The following KANK1 variants were observed in gnomAD, a reference collection of about 807,000 sequenced individuals.
KANK1 encodes the protein KN motif and ankyrin repeat domains 1, also known as KN motif and ankyrin repeat domain-containing protein 1.
Under a neutral mutation model 106.2 loss-of-function variants are expected in KANK1, and 109 were observed. That is an observed-to-expected ratio of 1.03 (90% CI 0.88 to 1.20). KANK1 has a LOEUF of 1.20. Ranked by LOEUF, KANK1 falls within the 50% of genes most tolerant of loss-of-function variation. KANK1 has a pLI of 0.00. For synonymous variants in KANK1, 873 were observed against 652.2 expected, an observed-to-expected ratio of 1.34 and a Z score of -5.16; for missense variants, 2,399 against 1,710.7, an observed-to-expected ratio of 1.40 and a Z score of -7.10.
intron 3 of KANK1, among the ~76,000 whole-genome samples, chr9:727,041 C>A (rs1047510500): frequency 6.6e-6 from 1 of 152,222 alleles, no homozygotes; most frequent in African/African-American, 2.4e-5. Context: ...TAATACACAT[C>A]ATGCTCATCT....
intron 3 of KANK1, among the ~76,000 whole-genome samples, chr9:723,485 C>G (rs1176423830): frequency 2.0e-5 from 3 of 148,306 alleles, no homozygotes; most frequent in Non-Finnish European, 2.9e-5. Context: ...GGGGCATGAT[C>G]ACAAGCACCT....
chr9:737,045 G>C (rs1833984201), intron 7 of KANK1, among the ~76,000 whole-genome samples: 3 of 152,212 alleles, frequency 2.0e-5, no homozygotes, highest in African/African-American at 2.4e-5. Flanking sequence ...CATTTGGTGT[G>C]AAAGTGTTTA....
chr9:685,446 A>G (rs948070791), intron 2 of KANK1: 3 of 152,214 alleles, frequency 2.0e-5, no homozygotes, highest in Non-Finnish European at 4.4e-5. Flanking sequence ...CTATAGACAT[A>G]AGGGAGAGCT....
Position 742,294 on chromosome 9 carries a change from C to G in KANK1, c.3786C>G (p.Ile1262Met). The change falls in exon 10 of 12, where the codon ATC (isoleucine) becomes ATG (methionine). Residue 1262 changes from isoleucine (I) to methionine (M), a missense_variant. By Grantham distance (10) the Ile-to-Met change is conservative. Transcript: ENST00000382297. ...GLLACGADVNIQDDEGSTALM... is the reference protein window; with the variant it reads ...GLLACGADVNMQDDEGSTALM... Reference sequence around the variant, plus strand: ...TGGCCTGTGGGGCTGATGTCAACATCCAGGATGACGAGGGCTCCACGGCCC... The same window carrying G: ...TGGCCTGTGGGGCTGATGTCAACATGCAGGATGACGAGGGCTCCACGGCCC... 2 of 1,614,162 alleles carry G rather than the reference C, an allele frequency of 1.2e-6. No homozygotes were observed. Among genetic ancestry groups the G allele is most frequent in the Non-Finnish European group, 1.7e-6 (2 of 1,180,010 alleles).
At chr9:503,016 T>A (rs1034109654), upstream of KANK1, among the ~76,000 whole-genome samples, 6 of 149,410 alleles carry the variant, frequency 4.0e-5, no homozygotes, top group East Asian at 9.9e-4. Context: ...TTTTTTTTTT[T>A]TTTTTTTTTT....
chr9:575,078 C>T (rs761921563), intron 1 of KANK1, among the ~76,000 whole-genome samples: 3 of 152,104 alleles, frequency 2.0e-5, no homozygotes, highest in South Asian at 2.1e-4. Flanking sequence ...GGGCTTCTCC[C>T]ATCTTGCTTG....
chr9:687,094 A>G (rs1366820535), intron 2 of KANK1, among the ~76,000 whole-genome samples: 5 of 151,980 alleles, frequency 3.3e-5, no homozygotes, highest in Non-Finnish European at 5.9e-5. Flanking sequence ...ACTGGAAGGA[A>G]TGTTATGAAA....
upstream of KANK1, among the ~76,000 whole-genome samples, chr9:501,989 T>A (rs377097300): frequency 1.8e-4 from 28 of 152,360 alleles, 1 homozygote; most frequent in South Asian, 5.8e-3. Context: ...CCAGTATAAT[T>A]CTATCATCAG....
At chr9:677,837 C>A (rs1004863194) in intron 2 of KANK1, among the ~76,000 whole-genome samples, 2 of 152,118 alleles carry the variant, frequency 1.3e-5, no homozygotes, top group Non-Finnish European at 2.9e-5. Context: ...GAATTGGAGC[C>A]AGGAAACCTG....
In KANK1 at chr9:745,390, A is replaced by G. The variant is rs963448230; in HGVS notation, c.*155A>G. 39 of 867,214 alleles carry G rather than the reference A, an allele frequency of 4.5e-5. No individual in the cohort carries two copies. In the African/African-American group the frequency reaches 5.5e-4, roughly 12 times the overall value. 53.7% of individuals were successfully genotyped at this position (867,214 alleles called of 1,614,324 possible). ...GTAAAGGCTGAAGCTTTCACAGTGC[A>G]GAGACTGCTAGCCTGGGCACACACA... On this transcript the variant is annotated 3_prime_UTR_variant, in exon 12 of 12. Coordinates refer to ENST00000382297, the MANE Select transcript of KANK1 (RefSeq NM_015158.5).
chr9:695,891 T>G (rs1821144698), intron 2 of KANK1, among the ~76,000 whole-genome samples: 1 of 152,152 alleles, frequency 6.6e-6, no homozygotes, highest in Non-Finnish European at 1.5e-5. Context: ...CATCTCTTCC[T>G]CTGTTATACT....
At chr9:685,118 T>C (rs1818301818) in intron 2 of KANK1, among the ~76,000 whole-genome samples, 2 of 152,330 alleles carry the variant, frequency 1.3e-5, no homozygotes, top group African/African-American at 2.4e-5. Context: ...CCACATGCTT[T>C]AGGAAAAGTA....
At chr9:683,213 C>T (rs1295358314) in intron 2 of KANK1, among the ~76,000 whole-genome samples, 2 of 152,094 alleles carry the variant, frequency 1.3e-5, no homozygotes, top group African/African-American at 4.8e-5. Flanking sequence ...TCATGGGTAC[C>T]CTCCGTGACT....
At chr9:505,019 C>T (rs1169010018) in intron 1 of KANK1, among the ~76,000 whole-genome samples, 5 of 151,638 alleles carry the variant, frequency 3.3e-5, no homozygotes, top group Admixed American at 2.0e-4. Flanking sequence ...GCGCGCTCTG[C>T]AGCGGCGGCG....
chr9:744,894 T>C, intron 11 of KANK1: 1 of 1,414,254 alleles, frequency 7.1e-7, no homozygotes. Flanking sequence ...TATTTCGCCA[T>C]GGTTCTGGCA....
intron 3 of KANK1, among the ~76,000 whole-genome samples, chr9:714,297 T>TC (rs1427146612): frequency 6.6e-6 from 1 of 151,458 alleles, no homozygotes; most frequent in Non-Finnish European, 1.5e-5. Flanking sequence ...GTGGTAGTGG[T>TC]CAGGGTGAGG....
At chr9:586,068 T>C (rs1823391629) in intron 1 of KANK1, among the ~76,000 whole-genome samples, 1 of 152,220 alleles carries the variant, frequency 6.6e-6, no homozygotes, top group Non-Finnish European at 1.5e-5. Context: ...GTACCTGCTG[T>C]GTGATCTGTA....
intron 1 of KANK1, among the ~76,000 whole-genome samples, chr9:578,938 ACT>A (rs1311684883): frequency 1.3e-5 from 2 of 152,194 alleles, no homozygotes; most frequent in African/African-American, 4.8e-5. Flanking sequence ...CACTCTCATA[ACT>A]CTAGGAATTT....
At chr9:647,742 C>G (rs950851379) in intron 1 of KANK1, among the ~76,000 whole-genome samples, 15 of 150,776 alleles carry the variant, frequency 9.9e-5, no homozygotes, top group Non-Finnish European at 2.1e-4. Flanking sequence ...ACAACAAATA[C>G]TAAAGAAAGT....
Sources: allele counts gnomAD v4.1 joint callset (sites outside exome capture counted in the v4.1 genomes callset), GRCh38; gene constraint gnomAD v4.1.1; transcripts MANE v1.5; gene names NCBI Gene and HGNC (gene_info 2026-07-23, HGNC 2026-07-21).